Variants in KBTBD3 observed in about 807,000 individuals in gnomAD.
The protein encoded by KBTBD3 is kelch repeat and BTB domain-containing protein 3.
In KBTBD3, 38 loss-of-function variants were observed where a neutral mutation model predicts 49.6. The observed-to-expected ratio is 0.77, with a 90% confidence interval of 0.59 to 1.00. The LOEUF (loss-of-function observed/expected upper bound fraction) is 1.00. Ranked by LOEUF, KBTBD3 falls within the 50% of genes least tolerant of loss-of-function variation. The probability of loss-of-function intolerance (pLI) is 0.00; values close to 1 mark genes in which losing one functional copy is unlikely to be tolerated. For synonymous variants in KBTBD3, 214 were observed against 250.4 expected (o/e 0.85, Z 1.37); for missense variants, 661 against 712.0 (o/e 0.93, Z 0.81).
At chr11:106,057,806 G>A in intron 3 of KBTBD3, 1 of 356,000 alleles carries the variant, frequency 2.8e-6, no homozygotes. Flanking sequence ...TTTTTAAATC[G>A]GTTAGACCCT....
intron 2 of KBTBD3, chr11:106,075,920 A>G (rs139045576): frequency 2.0e-5 from 3 of 152,360 alleles, no homozygotes; most frequent in African/African-American, 7.2e-5. Context: ...GCTCGATGGT[A>G]AAATAATGGG....
intron 2 of KBTBD3, among the ~76,000 whole-genome samples, chr11:106,072,627 C>A (rs992702173): frequency 6.6e-6 from 1 of 151,894 alleles, no homozygotes; most frequent in African/African-American, 2.4e-5. Flanking sequence ...GCCTAAGAAC[C>A]AAGCCTTTGA....
rs749634212 is a variant in KBTBD3, at chr11:106,052,704, G to T, written c.*146C>A. 12 of 571,490 alleles carry T rather than the reference G, an allele frequency of 2.1e-5. No homozygotes were observed. Among genetic ancestry groups the T allele is most frequent in the South Asian group, 1.0e-4 (3 of 29,148 alleles). 35.4% of individuals were successfully genotyped at this position (571,490 alleles called of 1,614,324 possible). ...ATATATTTTGTATTTTAAGTTTTTGGAAACTGTTTATTCATATATGGTGTA... is the reference window on the plus strand; with the variant it reads ...ATATATTTTGTATTTTAAGTTTTTGTAAACTGTTTATTCATATATGGTGTA... On this transcript the variant is annotated 3_prime_UTR_variant, in exon 4 of 4. Coordinates refer to ENST00000531837, the MANE Select transcript of KBTBD3 (RefSeq NM_198439.3).
chr11:106,066,053 C>T (rs538912495), intron 2 of KBTBD3, among the ~76,000 whole-genome samples: 1 of 151,118 alleles, frequency 6.6e-6, no homozygotes, highest in African/African-American at 2.4e-5. Flanking sequence ...ATGGGAGAAA[C>T]TTGTGCATGT....
intron 2 of KBTBD3, among the ~76,000 whole-genome samples, chr11:106,063,202 C>T (rs1234882234): frequency 6.6e-6 from 1 of 152,212 alleles, no homozygotes; most frequent in Non-Finnish European, 1.5e-5. Flanking sequence ...AAGCCTTAGC[C>T]AATCACAAAC....
intron 3 of KBTBD3, chr11:106,058,056 T>C (rs1860590116): frequency 5.0e-6 from 2 of 398,380 alleles, no homozygotes; most frequent in Non-Finnish European, 8.8e-6. Context: ...GGAAGACCTA[T>C]ACGTTAAAAA....
intron 2 of KBTBD3, among the ~76,000 whole-genome samples, chr11:106,072,908 T>A (rs2135024867): frequency 6.6e-6 from 1 of 152,326 alleles, no homozygotes; most frequent in East Asian, 1.9e-4. Flanking sequence ...GTCCAGTATC[T>A]GGTGAAAATG....
At chr11:106,075,998 C>T (rs1317715149) in intron 2 of KBTBD3, 2 of 152,172 alleles carry the variant, frequency 1.3e-5, no homozygotes, top group Non-Finnish European at 2.9e-5. Flanking sequence ...ATAACTAGTG[C>T]ACAGAACATG....
intron 2 of KBTBD3, among the ~76,000 whole-genome samples, chr11:106,059,503 T>C (rs1860638331): frequency 6.6e-6 from 1 of 152,186 alleles, no homozygotes; most frequent in Admixed American, 6.5e-5. Context: ...TTCCAATCCA[T>C]TCTCTTCTGG....
chr11:106,065,956 C>T (rs1430371125), intron 2 of KBTBD3, among the ~76,000 whole-genome samples: 2 of 25,590 alleles, frequency 7.8e-5, no homozygotes, highest in Non-Finnish European at 1.4e-4. Context: ...GCAAGACTGT[C>T]TCAAAAAAAA....
Position 106,070,817 on chromosome 11 carries a change from A to G in KBTBD3, c.-13+5690T>C, listed in dbSNP as rs556552402. ...CTGAGGACAACCAAAATGTTGCACA[A>G]TAGGTGAAAGAGTAAACAAATCATG... On this transcript the variant is annotated intron_variant, in intron 2 of 3. Transcript: ENST00000531837. Among the ~76,000 whole-genome samples, 8 of 152,244 alleles carry G rather than the reference A, an allele frequency of 5.3e-5. No individual in the cohort carries two copies. In the South Asian group the frequency reaches 1.7e-3, roughly 31 times the overall value.
In KBTBD3 at chr11:106,051,363, TA is replaced by T. The variant is rs1254335436; in HGVS notation, c.*1486del. 6.6e-6 allele frequency: 1 copy of T among 151,990 alleles called. No individual in the cohort carries two copies. The highest frequency in any genetic ancestry group is 1.5e-5 in the Non-Finnish European group (1 of 67,906). 9.4% of individuals were successfully genotyped at this position (151,990 alleles called of 1,614,324 possible). On this transcript the variant is annotated 3_prime_UTR_variant, in exon 4 of 4. Coordinates refer to ENST00000531837, the MANE Select transcript of KBTBD3 (RefSeq NM_198439.3). ...CTAATCAGGAACAGTCCTTGATTTT[TA>T]AACTTCATGAAAATGTACTCTGATA...
At position 106,053,617 on chromosome 11, in the gene KBTBD3, C is replaced by A. The variant is rs777290191; in HGVS notation, c.1072G>T (p.Val358Phe). ...TATGACTCGGCAATATGCAGTCGAACCGTTCGACAACATTTCCCTTTGCAA... is the reference window on the plus strand; with the variant it reads ...TATGACTCGGCAATATGCAGTCGAAACGTTCGACAACATTTCCCTTTGCAA... ...GGCKGKCCRT[V>F]RLHIAESYHD... The change falls in exon 4 of 4, where the codon GTT (valine) becomes TTT (phenylalanine). Residue 358 changes from valine (V) to phenylalanine (F), a missense_variant. Coordinates refer to ENST00000531837, the MANE Select transcript of KBTBD3 (RefSeq NM_198439.3). 2 of 1,613,710 alleles carry A rather than the reference C, an allele frequency of 1.2e-6. No homozygotes were observed. The highest frequency in any genetic ancestry group is 8.5e-7 in the Non-Finnish European group (1 of 1,179,910).
chr11:106,075,904 G>A (rs1011957089), intron 2 of KBTBD3: 1 of 152,162 alleles, frequency 6.6e-6, no homozygotes, highest in African/African-American at 2.4e-5. Flanking sequence ...AATACACAGA[G>A]ATCTTGCTCG....
At chr11:106,060,388 T>C (rs1157403450) in intron 2 of KBTBD3, among the ~76,000 whole-genome samples, 1 of 152,164 alleles carries the variant, frequency 6.6e-6, no homozygotes, top group Admixed American at 6.5e-5. Flanking sequence ...TGTTTTATAT[T>C]TTTGCAAATC....
At chr11:106,061,936 T>C (rs1483963770) in intron 2 of KBTBD3, among the ~76,000 whole-genome samples, 3 of 152,004 alleles carry the variant, frequency 2.0e-5, no homozygotes, top group Non-Finnish European at 4.4e-5. Flanking sequence ...ATCTGCCTAG[T>C]GACTACTATA....
intron 2 of KBTBD3, among the ~76,000 whole-genome samples, chr11:106,064,118 G>A (rs961923417): frequency 6.6e-6 from 1 of 152,150 alleles, no homozygotes; most frequent in African/African-American, 2.4e-5. Flanking sequence ...GCATAAGAGC[G>A]AAGTTGAACA....
intron 2 of KBTBD3, chr11:106,076,152 G>A (rs1303759170): frequency 6.6e-6 from 1 of 152,134 alleles, no homozygotes; most frequent in Non-Finnish European, 1.5e-5. Flanking sequence ...GCTGATATGG[G>A]TATTAGTATC....
At chr11:106,057,752 TC>T in intron 3 of KBTBD3, 1 of 290,168 alleles carries the variant, frequency 3.4e-6, no homozygotes, top group Non-Finnish European at 6.3e-6. Flanking sequence ...GAAGTACTTT[TC>T]CCTAATATAA....
Sources: gnomAD v4.1 joint callset for allele counts (sites outside exome capture counted in the v4.1 genomes callset) on GRCh38, gnomAD v4.1.1 for gene constraint, MANE v1.5 for transcripts, NCBI Gene and HGNC (gene_info 2026-07-23, HGNC 2026-07-21) for gene names.